Variants in FGF14 observed in about 807,000 individuals in gnomAD.
FGF14 encodes fibroblast growth factor 14.
A neutral mutation model predicts 25.5 loss-of-function variants in FGF14; 5 were observed. The ratio of observed to expected loss-of-function variants is 0.20; its 90% confidence interval spans 0.10 to 0.41. The LOEUF is 0.41. FGF14 is among the 10% of genes least tolerant of loss of function. The pLI is 1.00. For synonymous variants in FGF14, 138 were observed against 118.3 expected (o/e 1.17, Z -1.08); for missense variants, 222 against 320.1 (o/e 0.69, Z 2.34).
intron 1 of FGF14, among the ~76,000 whole-genome samples, chr13:102,015,173 G>T (rs770647454): frequency 2.0e-5 from 3 of 152,304 alleles, no homozygotes; most frequent in Middle Eastern, 6.8e-3. Flanking sequence ...CTCCCAAATT[G>T]CTGAGATTAC....
At chr13:102,073,834 T>C (rs1014160314) in intron 1 of FGF14, among the ~76,000 whole-genome samples, 1 of 152,178 alleles carries the variant, frequency 6.6e-6, no homozygotes, top group African/African-American at 2.4e-5. Flanking sequence ...ACCAAGGCCT[T>C]GATCTGAGGG....
chr13:102,153,818 C>T (rs188206613), intron 1 of FGF14, among the ~76,000 whole-genome samples: 8 of 152,012 alleles, frequency 5.3e-5, no homozygotes, highest in Admixed American at 3.3e-4. Context: ...GAGAGAAGGA[C>T]GAATCACAAG....
intron 2 of FGF14, among the ~76,000 whole-genome samples, chr13:101,874,853 GTAAT>G (rs2045309523): frequency 6.6e-6 from 1 of 152,166 alleles, no homozygotes; most frequent in East Asian, 1.9e-4. Flanking sequence ...AAGAAAACAT[GTAAT>G]TAATTTTTAC....
intron 1 of FGF14, among the ~76,000 whole-genome samples, chr13:101,906,431 T>C (rs1305283530): frequency 6.6e-6 from 1 of 152,158 alleles, no homozygotes; most frequent in Non-Finnish European, 1.5e-5. Context: ...GCAGGAATTA[T>C]TTACAGAAAT....
chr13:101,781,470 T>G (rs948176763), intron 3 of FGF14, among the ~76,000 whole-genome samples: 5 of 152,166 alleles, frequency 3.3e-5, no homozygotes, highest in Non-Finnish European at 7.4e-5. Flanking sequence ...AGACTTTCAA[T>G]TGTTGCATTT....
chr13:102,330,289 C>G (rs2056593431), intron 1 of FGF14, among the ~76,000 whole-genome samples: 1 of 152,174 alleles, frequency 6.6e-6, no homozygotes, highest in Admixed American at 6.5e-5. Flanking sequence ...CATCTGTGCT[C>G]CTATCCGCTG....
At chr13:102,278,297 T>A (rs1005840594) in intron 1 of FGF14, among the ~76,000 whole-genome samples, 2 of 152,214 alleles carry the variant, frequency 1.3e-5, no homozygotes, top group African/African-American at 4.8e-5. Context: ...TAGAGCTGAC[T>A]GGCATCCATC....
intron 1 of FGF14, among the ~76,000 whole-genome samples, chr13:101,943,665 C>G (rs1485510201): frequency 6.6e-6 from 1 of 152,086 alleles, no homozygotes; most frequent in African/African-American, 2.4e-5. Flanking sequence ...GTAAGCCTCT[C>G]AATCTCCTCC....
At chr13:101,803,880 C>A (rs534644353) in intron 3 of FGF14, among the ~76,000 whole-genome samples, 4 of 152,162 alleles carry the variant, frequency 2.6e-5, no homozygotes, top group African/African-American at 9.6e-5. Flanking sequence ...TCTGAGTAGG[C>A]AGTTGAATTA....
intron 1 of FGF14, among the ~76,000 whole-genome samples, chr13:102,277,179 T>C (rs1020420371): frequency 1.3e-5 from 2 of 152,264 alleles, no homozygotes; most frequent in African/African-American, 4.8e-5. Context: ...AAATTGTTTT[T>C]AGAATGACTA....
At chr13:101,924,704 T>C (rs1237245659) in intron 1 of FGF14, among the ~76,000 whole-genome samples, 1 of 152,194 alleles carries the variant, frequency 6.6e-6, no homozygotes, top group South Asian at 2.1e-4. Flanking sequence ...GAAGTGGACA[T>C]CATGATCTCT....
chr13:102,102,539 A>G (rs1378183833), intron 1 of FGF14, among the ~76,000 whole-genome samples: 1 of 152,192 alleles, frequency 6.6e-6, no homozygotes, highest in Non-Finnish European at 1.5e-5. Flanking sequence ...GAGGGGCAGA[A>G]GGCCACTATT....
intron 2 of FGF14, among the ~76,000 whole-genome samples, chr13:101,871,922 A>G (rs1594558933): frequency 6.6e-6 from 1 of 150,652 alleles, no homozygotes; most frequent in Non-Finnish European, 1.5e-5. Context: ...TTTCCTTCCC[A>G]GAGATCTACA....
intron 1 of FGF14, among the ~76,000 whole-genome samples, chr13:102,291,044 A>G (rs927841905): frequency 1.3e-5 from 2 of 152,186 alleles, no homozygotes; most frequent in African/African-American, 4.8e-5. Flanking sequence ...AATCAAAACA[A>G]AGAGAGAGTT....
At chr13:101,850,495 TATATATATATATATATATA>T (rs1566311288) in intron 3 of FGF14, among the ~76,000 whole-genome samples, 199 of 2,092 alleles carry the variant, frequency 0.095, 43 homozygotes, top group South Asian at 0.46. Context: ...TATATATATA[TATATATATATATATATATA>T]GAATTATATA....
chr13:101,795,985 T>C (rs925993383), intron 3 of FGF14, among the ~76,000 whole-genome samples: 2 of 152,096 alleles, frequency 1.3e-5, no homozygotes, highest in South Asian at 2.1e-4. Flanking sequence ...TAAAGTGTGC[T>C]ACATGTAGAT....
intron 1 of FGF14, among the ~76,000 whole-genome samples, chr13:102,259,254 A>C (rs1339014109): frequency 6.6e-6 from 1 of 152,168 alleles, no homozygotes; most frequent in Non-Finnish European, 1.5e-5. Context: ...TCATCAACCC[A>C]GCTGCCCTGT....
In FGF14 at chr13:102,344,160, G is replaced by A. The variant is rs118172575; in HGVS notation, c.208+57311C>T. ...ATCCTCCATGAATAAATTATCCTGC[G>A]GCTATGATATTTTTAAAATTACCTC... On this transcript the variant is annotated intron_variant, in intron 1 of 4. Coordinates refer to the FGF14 transcript ENST00000376131. Among the ~76,000 whole-genome samples the A allele has an allele frequency of 6.9e-4, 105 of 152,178 alleles. No individual in the cohort carries two copies. In the East Asian group the frequency reaches 0.014, roughly 21 times the overall value.
At chr13:102,083,751 C>G (rs574793601) in intron 1 of FGF14, among the ~76,000 whole-genome samples, 1 of 152,350 alleles carries the variant, frequency 6.6e-6, no homozygotes, top group African/African-American at 2.4e-5. Flanking sequence ...CTGCCGCGGG[C>G]ACACTTTCTT....
Sources: allele counts gnomAD v4.1 joint callset (sites outside exome capture counted in the v4.1 genomes callset), GRCh38; gene constraint gnomAD v4.1.1; transcripts MANE v1.5; gene names NCBI Gene and HGNC (gene_info 2026-07-23, HGNC 2026-07-21).